ELMO1: variants seen among roughly 807,000 people sequenced by gnomAD.
ELMO1 encodes the protein engulfment and cell motility protein 1.
A neutral mutation model predicts 98.9 loss-of-function variants in ELMO1; 26 were observed. The observed-to-expected ratio is 0.26, with a 90% confidence interval of 0.19 to 0.36. The LOEUF is 0.36. Ranked by LOEUF, ELMO1 falls within the 10% of genes least tolerant of loss-of-function variation. The probability of loss-of-function intolerance (pLI) is 1.00; values close to 1 mark genes in which losing one functional copy is unlikely to be tolerated. For synonymous variants in ELMO1, 346 were observed against 346.0 expected (o/e 1.00, Z 0.00); for missense variants, 627 against 935.2 (o/e 0.67, Z 4.30).
chr7:37,169,277 G>C (rs184276956), intron 13 of ELMO1, among the ~76,000 whole-genome samples: 7 of 152,194 alleles, frequency 4.6e-5, no homozygotes, highest in African/African-American at 1.7e-4. Context: ...GGAACTCCCT[G>C]ACCCCTTGCA....
At chr7:37,429,936 T>G (rs1317544962) in intron 1 of ELMO1, among the ~76,000 whole-genome samples, 1 of 152,232 alleles carries the variant, frequency 6.6e-6, no homozygotes, top group East Asian at 1.9e-4. Flanking sequence ...GAATTTCTAG[T>G]GATGAGATCC....
At chr7:37,297,727 A>T (rs1398105341) in intron 4 of ELMO1, among the ~76,000 whole-genome samples, 3 of 152,206 alleles carry the variant, frequency 2.0e-5, no homozygotes, top group Admixed American at 6.5e-5. Flanking sequence ...ACAAATAAAT[A>T]GGAAATATGA....
chr7:37,350,415 A>T (rs1583607410), intron 1 of ELMO1, among the ~76,000 whole-genome samples: 1 of 152,330 alleles, frequency 6.6e-6, no homozygotes, highest in East Asian at 1.9e-4. Flanking sequence ...AGTGTCTGGC[A>T]TTGACATCAT....
chr7:37,256,436 G>GA (rs1214394577), intron 6 of ELMO1, among the ~76,000 whole-genome samples: 2 of 150,606 alleles, frequency 1.3e-5, no homozygotes, highest in Non-Finnish European at 3.0e-5. Flanking sequence ...CTTTGAATGA[G>GA]AAAAAAAATG....
intron 16 of ELMO1, among the ~76,000 whole-genome samples, chr7:36,969,464 A>G (rs1789727965): frequency 6.6e-6 from 1 of 152,174 alleles, no homozygotes; most frequent in South Asian, 2.1e-4. Context: ...TTTCAACCCA[A>G]TTTAAGATCT....
chr7:37,096,541 T>C, intron 15 of ELMO1, 78 bp downstream of exon 15: 1 of 1,265,716 alleles, frequency 7.9e-7, no homozygotes, highest in South Asian at 1.2e-5. Flanking sequence ...TTGGGATTTC[T>C]TCACACAGGT....
intron 14 of ELMO1, among the ~76,000 whole-genome samples, chr7:37,110,014 G>A (rs1785162097): frequency 6.6e-6 from 1 of 152,214 alleles, no homozygotes; most frequent in South Asian, 2.1e-4. Context: ...ACCGCCTCCA[G>A]ATTGCCCTCT....
At chr7:37,359,427 G>A (rs1583622379) in intron 1 of ELMO1, among the ~76,000 whole-genome samples, 1 of 152,260 alleles carries the variant, frequency 6.6e-6, no homozygotes, top group South Asian at 2.1e-4. Flanking sequence ...CAGTACCTAT[G>A]TCAACAATTT....
intron 16 of ELMO1, among the ~76,000 whole-genome samples, chr7:36,966,264 CTAACT>C (rs1789420243): frequency 6.6e-6 from 1 of 152,158 alleles, no homozygotes; most frequent in Non-Finnish European, 1.5e-5. Flanking sequence ...TTTATATGAC[CTAACT>C]GTATACCTTG....
At chr7:37,070,991 C>T (rs1350789478) in intron 15 of ELMO1, among the ~76,000 whole-genome samples, 3 of 152,162 alleles carry the variant, frequency 2.0e-5, no homozygotes, top group Non-Finnish European at 4.4e-5. Flanking sequence ...CCTCCACCAA[C>T]TGAGAACTAC....
At chr7:36,896,997 T>A (rs1173347712) in intron 16 of ELMO1, among the ~76,000 whole-genome samples, 1 of 152,208 alleles carries the variant, frequency 6.6e-6, no homozygotes, top group Non-Finnish European at 1.5e-5. Flanking sequence ...AGAATCAGGT[T>A]AAAGCTAAGA....
At chr7:37,237,158 G>A (rs1026977411) in intron 7 of ELMO1, among the ~76,000 whole-genome samples, 5 of 152,156 alleles carry the variant, frequency 3.3e-5, no homozygotes, top group Non-Finnish European at 7.3e-5. Context: ...CAACTTAGTA[G>A]ACACCATCTT....
chr7:36,906,954 A>G (rs1303477033), intron 16 of ELMO1, among the ~76,000 whole-genome samples: 2 of 152,214 alleles, frequency 1.3e-5, no homozygotes, highest in Non-Finnish European at 2.9e-5. Flanking sequence ...TAACAACAAT[A>G]TATCTCAGAG....
intron 13 of ELMO1, among the ~76,000 whole-genome samples, chr7:37,164,514 A>T (rs1789495259): frequency 6.6e-6 from 1 of 152,214 alleles, no homozygotes; most frequent in African/African-American, 2.4e-5. Context: ...TGATTTTTGT[A>T]CAAGGTGTAA....
At chr7:37,095,404 A>G (rs532557112) in intron 15 of ELMO1, among the ~76,000 whole-genome samples, 3 of 152,354 alleles carry the variant, frequency 2.0e-5, no homozygotes, top group African/African-American at 7.2e-5. Flanking sequence ...TTAGGGAGTA[A>G]GAAGGATAAC....
chr7:37,348,083 G>A (rs562611547), intron 1 of ELMO1, among the ~76,000 whole-genome samples: 25 of 152,256 alleles, frequency 1.6e-4, no homozygotes, highest in African/African-American at 5.5e-4. Context: ...ACTCAGGGCC[G>A]CGGCAGGCAG....
At chr7:37,264,303 GAA>G (rs746112022) in intron 5 of ELMO1, among the ~76,000 whole-genome samples, 1 of 134,216 alleles carries the variant, frequency 7.5e-6, no homozygotes, top group Non-Finnish European at 1.6e-5. Context: ...ATGCATAAAT[GAA>G]TATATATATG....
At position 36,870,248 on chromosome 7, in the gene ELMO1, G is replaced by A; in HGVS notation, c.1905+145C>T. 2 of 646,072 alleles carry A rather than the reference G, an allele frequency of 3.1e-6. No homozygotes were observed. The highest frequency in any genetic ancestry group is 5.3e-6 in the Non-Finnish European group (2 of 374,644). The allele number at this position is 646,072 out of a possible 1,614,324, so 40.0% of individuals were successfully genotyped here. On this transcript the variant is annotated intron_variant, in intron 20 of 21. Coordinates refer to ENST00000310758, the MANE Select transcript of ELMO1 (RefSeq NM_014800.11). The surrounding 1 kb of genome is among the most constrained non-coding windows in gnomAD (Gnocchi z 4.4). ...GGGTAAGAGACGTAAAAGGAATCGG[G>A]ACAGGAAACAGGAGAGCTGAATAAG...
chr7:36,972,241 T>C (rs1790027824), intron 16 of ELMO1, among the ~76,000 whole-genome samples: 1 of 152,230 alleles, frequency 6.6e-6, no homozygotes, highest in Non-Finnish European at 1.5e-5. Context: ...CTGGCTTCAG[T>C]CTTTGACCTT....
Sources: allele counts gnomAD v4.1 joint callset (sites outside exome capture counted in the v4.1 genomes callset), GRCh38; gene constraint gnomAD v4.1.1; non-coding constraint Gnocchi (gnomAD v3.1); transcripts MANE v1.5; gene names NCBI Gene and HGNC (gene_info 2026-07-23, HGNC 2026-07-21).